The following ENTPD1 variants were observed in gnomAD, a reference collection of about 807,000 sequenced individuals.
ENTPD1 encodes ectonucleoside triphosphate diphosphohydrolase 1.
In ENTPD1, 33 loss-of-function variants were observed where a neutral mutation model predicts 57.0. The observed-to-expected ratio is 0.58, with a 90% CI of 0.44 to 0.77. The LOEUF (loss-of-function observed/expected upper bound fraction) is 0.77. Ranked by LOEUF, ENTPD1 falls within the 30% of genes least tolerant of loss-of-function variation. The pLI is 0.00. For synonymous variants in ENTPD1, 202 were observed against 218.8 expected, an observed-to-expected ratio of 0.92 and a Z score of 0.68; for missense variants, 501 against 603.4, an observed-to-expected ratio of 0.83 and a Z score of 1.78.
At chr10:95,824,251 A>G (rs1418118442) in intron 2 of ENTPD1, among the ~76,000 whole-genome samples, 1 of 152,266 alleles carries the variant, frequency 6.6e-6, no homozygotes, top group African/African-American at 2.4e-5. Context: ...ACACATGGGC[A>G]GTAATATATC....
At position 95,872,223 on chromosome 10, in the gene ENTPD1, A is replaced by C; in HGVS notation, c.*5840A>C. 5 of 985,430 alleles carry C rather than the reference A, an allele frequency of 5.1e-6. No individual in the cohort carries two copies. The highest frequency in any genetic ancestry group is 6.0e-6 in the Non-Finnish European group (5 of 829,934). The allele number at this position is 985,430 out of a possible 1,614,324, so 61.0% of individuals were successfully genotyped here. A position where few individuals can be genotyped will look rare whatever the true frequency, so the allele number is the denominator to read the frequency against. On this transcript the variant is annotated 3_prime_UTR_variant, in exon 10 of 10. Transcript: ENST00000371205. Reference sequence around the variant, plus strand: ...ATTAATCTTTGCAAAGCACAGGCTTAATTTCATTGCTGCTCAACTAAAACC... The same window carrying C: ...ATTAATCTTTGCAAAGCACAGGCTTCATTTCATTGCTGCTCAACTAAAACC...
chr10:95,698,381 G>A, the ENTPD1 span, among the ~76,000 whole-genome samples: 1 of 152,244 alleles, frequency 6.6e-6, no homozygotes, highest in South Asian at 2.1e-4. Context: ...GAAAAGGGAA[G>A]CAGAGTGGAA....
intron 1 of ENTPD1, among the ~76,000 whole-genome samples, chr10:95,737,742 T>C (rs2097996223): frequency 1.3e-5 from 2 of 152,212 alleles, no homozygotes; most frequent in Admixed American, 6.5e-5. Context: ...CTAAAATTCA[T>C]TCTAAAGAAT....
chr10:95,862,688 T>A (rs1026909005), intron 8 of ENTPD1, among the ~76,000 whole-genome samples: 2 of 152,196 alleles, frequency 1.3e-5, no homozygotes, highest in African/African-American at 4.8e-5. Flanking sequence ...GCTAGTAGAA[T>A]CTTTCAGCAG....
At chr10:95,831,768 A>G (rs2098397399) in intron 2 of ENTPD1, among the ~76,000 whole-genome samples, 1 of 152,252 alleles carries the variant, frequency 6.6e-6, no homozygotes, top group Non-Finnish European at 1.5e-5. Context: ...CATGTGGCAT[A>G]ACACAGCAAG....
At chr10:95,772,437 A>G (rs1452851714) in intron 1 of ENTPD1, among the ~76,000 whole-genome samples, 1 of 152,222 alleles carries the variant, frequency 6.6e-6, no homozygotes, top group Admixed American at 6.5e-5. Flanking sequence ...CTGTCATTTC[A>G]ACAATGTTCA....
In ENTPD1 at chr10:95,867,830, A is replaced by G; in HGVS notation, c.*1447A>G. On this transcript the variant is annotated 3_prime_UTR_variant, in exon 10 of 10. Transcript: ENST00000371205. ...AGCTCTCACACAAACCGGAAGCCAA[A>G]TGTCCCCTATCTCTTGAATGATCAA... 2.0e-6 allele frequency: 2 copies of G among 985,460 alleles called. No individual in the cohort carries two copies. The highest frequency in any genetic ancestry group is 2.4e-6 in the Non-Finnish European group (2 of 829,930). 61.0% of individuals were successfully genotyped at this position (985,460 alleles called of 1,614,324 possible).
intron 2 of ENTPD1, among the ~76,000 whole-genome samples, chr10:95,837,296 G>A (rs1380717117): frequency 3.9e-5 from 6 of 152,110 alleles, no homozygotes; most frequent in Non-Finnish European, 7.4e-5. Context: ...AACATTTTCT[G>A]GCAGGAAGAA....
rs945387232 is a variant in ENTPD1 at position 95,867,678 on chromosome 10, T to C, written c.*1295T>C. The C allele has an allele frequency of 3.0e-6, 3 of 985,458 alleles. No individual in the cohort carries two copies. The highest frequency in any genetic ancestry group is 2.3e-4 in the East Asian group (2 of 8,818). The allele number at this position is 985,458 out of a possible 1,614,324, so 61.0% of individuals were successfully genotyped here. A position where few individuals can be genotyped will look rare whatever the true frequency, so the allele number is the denominator to read the frequency against. On this transcript the variant is annotated 3_prime_UTR_variant, in exon 10 of 10. Transcript: ENST00000371205. ...AAACATGAAGAGACCCTGCACCCCTTTCCTTAAGGATTGCTGCAAGAGTTA... is the reference window on the plus strand; with the variant it reads ...AAACATGAAGAGACCCTGCACCCCTCTCCTTAAGGATTGCTGCAAGAGTTA...
chr10:95,694,421 T>TTA, the ENTPD1 span, among the ~76,000 whole-genome samples: 4 of 149,350 alleles, frequency 2.7e-5, no homozygotes, highest in Middle Eastern at 6.8e-3. Flanking sequence ...ATGGCTTTTT[T>TTA]AAAAAAAAAA....
Position 95,870,222 on chromosome 10 carries a change from G to A in ENTPD1, c.*3839G>A, listed in dbSNP as rs1179449403. 2.0e-6 allele frequency: 2 copies of A among 985,264 alleles called. No homozygotes were observed. The highest frequency in any genetic ancestry group is 2.3e-4 in the East Asian group (2 of 8,832). 61.0% of individuals were successfully genotyped at this position (985,264 alleles called of 1,614,324 possible). A position where few individuals can be genotyped will look rare whatever the true frequency, so the allele number is the denominator to read the frequency against. On this transcript the variant is annotated 3_prime_UTR_variant, in exon 10 of 10. Coordinates refer to ENST00000371205, the MANE Select transcript of ENTPD1 (RefSeq NM_001776.6). ...AGAGACCTTGGGAAAGTTTCATCTG[G>A]ATTTAAAGATTAATTCTTGATGCTT...
the ENTPD1 span, among the ~76,000 whole-genome samples, chr10:95,697,057 T>C: frequency 6.6e-6 from 1 of 152,096 alleles, no homozygotes; most frequent in Admixed American, 6.5e-5. Flanking sequence ...AGAAGGCACA[T>C]GGGATGGAAT....
chr10:95,823,466 G>A, intron 2 of ENTPD1, 102 bp downstream of exon 2: 1 of 1,559,488 alleles, frequency 6.4e-7, no homozygotes, highest in Admixed American at 1.7e-5. Context: ...GACGAGTTGA[G>A]GTTCTAACAG....
At position 95,872,264 on chromosome 10, in the gene ENTPD1, T is replaced by C; in HGVS notation, c.*5881T>C. The C allele has an allele frequency of 2.0e-6, 2 of 985,430 alleles. No homozygotes were observed. The highest frequency in any genetic ancestry group is 4.7e-5 in the South Asian group (1 of 21,290). 61.0% of individuals were successfully genotyped at this position (985,430 alleles called of 1,614,324 possible). A position where few individuals can be genotyped will look rare whatever the true frequency, so the allele number is the denominator to read the frequency against. On this transcript the variant is annotated 3_prime_UTR_variant, in exon 10 of 10. Transcript: ENST00000371205. ...AACTAAAACCACTGGTGGCTTTCCA[T>C]TGCCTACAAAATAAAGTCAACCTCC...
rs57407553 is a variant in ENTPD1 at position 95,758,002 on chromosome 10, C to CAAAAAAAAAAAAAAAAAAAAAAAAAAA, written c.16+1749_16+1775dup. Among the ~76,000 whole-genome samples, 15 of 26,414 alleles carry CAAAAAAAAAAAAAAAAAAAAAAAAAAA rather than the reference C, an allele frequency of 5.7e-4. 1 individual carries two copies. The highest frequency in any genetic ancestry group is 2.6e-3 in the South Asian group (1 of 384). The allele number at this position is 26,414 out of a possible 152,430, so 17.3% of individuals were successfully genotyped here. ...CCTGGGCGAGAGTGAGACACTGTCT[C>CAAAAAAAAAAAAAAAAAAAAAAAAAAA]AAAAAAAAAAAAAAAAAAAAAAAAA... On this transcript the variant is annotated intron_variant, in intron 1 of 9. Coordinates refer to ENST00000371205, the MANE Select transcript of ENTPD1 (RefSeq NM_001776.6).
At chr10:95,764,208 C>T (rs1176852743) in intron 1 of ENTPD1, among the ~76,000 whole-genome samples, 3 of 152,234 alleles carry the variant, frequency 2.0e-5, no homozygotes, top group African/African-American at 7.2e-5. Flanking sequence ...AATCTACTTT[C>T]TGTCCCCACA....
chr10:95,765,332 A>G (rs1208403130), intron 1 of ENTPD1, among the ~76,000 whole-genome samples: 1 of 152,196 alleles, frequency 6.6e-6, no homozygotes, highest in Non-Finnish European at 1.5e-5. Context: ...CCTTGCATTT[A>G]GGTTTTTAAT....
At chr10:95,825,956 T>G (rs550494874) in intron 2 of ENTPD1, among the ~76,000 whole-genome samples, 3 of 152,334 alleles carry the variant, frequency 2.0e-5, no homozygotes, top group Middle Eastern at 6.8e-3. Context: ...TCATTTTTTA[T>G]AAATTTATGC....
intron 1 of ENTPD1, among the ~76,000 whole-genome samples, chr10:95,798,610 G>A (rs2098236270): frequency 6.6e-6 from 1 of 152,140 alleles, no homozygotes; most frequent in South Asian, 2.1e-4. Context: ...GTCAGTTCCA[G>A]GCAACATGAC....
Sources: allele counts gnomAD v4.1 joint callset (sites outside exome capture counted in the v4.1 genomes callset), GRCh38; gene constraint gnomAD v4.1.1; transcripts MANE v1.5; gene names NCBI Gene and HGNC (gene_info 2026-07-23, HGNC 2026-07-21).